The following AFAP1 variants were observed in gnomAD, a reference collection of about 807,000 sequenced individuals.
AFAP1 encodes actin filament-associated protein 1.
In AFAP1, 75 loss-of-function variants were observed where a neutral mutation model predicts 93.9. The ratio of observed to expected loss-of-function variants is 0.80; its 90% CI spans 0.66 to 0.97. AFAP1 has a LOEUF of 0.97. Among genes scored for constraint, AFAP1 ranks in the 50% least tolerant of loss-of-function variants. AFAP1 has a pLI of 0.00. For synonymous variants in AFAP1, 517 were observed against 430.7 expected (o/e 1.20, Z -2.48); for missense variants, 1,201 against 1,050.8 (o/e 1.14, Z -1.98).
At chr4:7,844,234 G>A (rs796780761) in intron 4 of AFAP1, among the ~76,000 whole-genome samples, 4 of 152,042 alleles carry the variant, frequency 2.6e-5, no homozygotes, top group African/African-American at 9.6e-5. Flanking sequence ...AGTTAAATGA[G>A]GTCCTAAGGG....
chr4:7,799,151 G>A (rs1254459890), intron 10 of AFAP1: 6 of 934,914 alleles, frequency 6.4e-6, no homozygotes, highest in Non-Finnish European at 5.1e-6. Context: ...GCCGTGGTCA[G>A]GGTCTGCACA....
At chr4:7,798,319 ACGG>A (rs1467613030) in intron 10 of AFAP1, among the ~76,000 whole-genome samples, 2 of 134,888 alleles carry the variant, frequency 1.5e-5, no homozygotes, top group African/African-American at 2.7e-5. Flanking sequence ...TGGCTGGCTC[ACGG>A]CATTGCAACT....
At chr4:7,871,734 A>G (rs1024522316) in intron 2 of AFAP1, among the ~76,000 whole-genome samples, 1 of 152,198 alleles carries the variant, frequency 6.6e-6, no homozygotes, top group East Asian at 1.9e-4. Context: ...GACTCCCAAA[A>G]CACGATTCCA....
chr4:7,934,838 C>A (rs1179385841), intron 1 of AFAP1, among the ~76,000 whole-genome samples: 3 of 152,188 alleles, frequency 2.0e-5, no homozygotes, highest in Non-Finnish European at 4.4e-5. Flanking sequence ...CAAGAAATTA[C>A]GCTTCGCTAA....
chr4:7,760,657 T>A lies in AFAP1; in HGVS notation c.*3108A>T, dbSNP rs1713649143. On this transcript the variant is annotated 3_prime_UTR_variant, in exon 18 of 18. Transcript: ENST00000420658. The stretch of plus-strand genomic sequence containing the variant: ...TCTGATAGTTGTTTCTATGAAAAAG[T>A]TGGTCAGTGGCTTAACATTATAAAA... 6.6e-6 allele frequency: 1 copy of A among 152,236 alleles called. No individual in the cohort carries two copies. Among genetic ancestry groups the A allele is most frequent in the African/African-American group, 2.4e-5 (1 of 41,472 alleles). The allele number at this position is 152,236 out of a possible 1,614,324, so 9.4% of individuals were successfully genotyped here.
At chr4:7,906,875 G>A (rs6855982) in intron 1 of AFAP1, among the ~76,000 whole-genome samples, 133,859 of 152,172 alleles carry the variant, frequency 0.88, 59,127 homozygotes, top group African/African-American at 0.96. Flanking sequence ...GCTGGCGGGC[G>A]CCTGTAATCC....
intron 6 of AFAP1, among the ~76,000 whole-genome samples, chr4:7,822,751 A>AT (rs5855983): frequency 0.48 from 67,228 of 141,326 alleles, 16,421 homozygotes; most frequent in East Asian, 0.82. Flanking sequence ...CGCCCGGCTA[A>AT]TTTTTTTTTT....
At chr4:7,842,299 T>TAAAA (rs1713111360) in intron 5 of AFAP1, among the ~76,000 whole-genome samples, 1 of 48,364 alleles carries the variant, frequency 2.1e-5, no homozygotes, top group African/African-American at 1.0e-4. Context: ...AACCTGGATT[T>TAAAA]ACAAAAAAAA....
At position 7,864,189 on chromosome 4, in the gene AFAP1, C is replaced by T. The variant is rs147793226; in HGVS notation, c.225+4433G>A. 3.1e-4 allele frequency among the ~76,000 whole-genome samples: 47 copies of T among 150,412 alleles called. 1 individual carries two copies. The highest frequency in any genetic ancestry group is 4.8e-4 in the Non-Finnish European group (32 of 66,966). On this transcript the variant is annotated intron_variant, in intron 3 of 17. Transcript: ENST00000420658. ...CCCACAGGTCCTTTGTAATTTAACC[C>T]CTGCAGACAATTCTGGCCTCATGTG...
At position 7,761,175 on chromosome 4, in the gene AFAP1, A is replaced by G. The variant is rs1471216268; in HGVS notation, c.*2590T>C. 1 of 152,278 alleles carries G rather than the reference A, an allele frequency of 6.6e-6. No homozygotes were observed. Among genetic ancestry groups the G allele is most frequent in the Non-Finnish European group, 1.5e-5 (1 of 68,054 alleles). The allele number at this position is 152,278 out of a possible 1,614,324, so 9.4% of individuals were successfully genotyped here. A position where few individuals can be genotyped will look rare whatever the true frequency, so the allele number is the denominator to read the frequency against. On this transcript the variant is annotated 3_prime_UTR_variant, in exon 18 of 18. Coordinates refer to ENST00000420658, the MANE Select transcript of AFAP1 (RefSeq NM_001134647.2). ...TAAAAACTATATTTATTGAACATAT[A>G]CACATAAATAACTTATTCTGAAGTA...
chr4:7,923,362 G>A (rs574503161), intron 1 of AFAP1, among the ~76,000 whole-genome samples: 1 of 152,326 alleles, frequency 6.6e-6, no homozygotes, highest in East Asian at 1.9e-4. Flanking sequence ...CTGGAGGCTG[G>A]AAGTCCAAGA....
chr4:7,774,849 A>G lies in AFAP1; in HGVS notation c.1952T>C (p.Leu651Pro). The G allele has an allele frequency of 6.2e-7, 1 of 1,614,188 alleles. No individual in the cohort carries two copies. The highest frequency in any genetic ancestry group is 8.5e-7 in the Non-Finnish European group (1 of 1,180,040). Residue 651 changes from leucine (L) to proline (P), a missense_variant, in exon 15 of 18, where the codon CTA becomes CCA. Coordinates refer to ENST00000420658, the MANE Select transcript of AFAP1 (RefSeq NM_001134647.2). Reference sequence around the variant, plus strand: ...CAGCAGCTCCTCCTCTTTGGTCTGTAGCCGCTTGGCATCTGCTTCTACCCG... The same window carrying G: ...CAGCAGCTCCTCCTCTTTGGTCTGTGGCCGCTTGGCATCTGCTTCTACCCG... Reference protein sequence around the residue: ...KNRVEADAKRLQTKEEELLKR... With the variant: ...KNRVEADAKRPQTKEEELLKR...
chr4:7,851,382 T>C (rs4388087), intron 4 of AFAP1, among the ~76,000 whole-genome samples: 119,709 of 152,172 alleles, frequency 0.79, 47,430 homozygotes, highest in East Asian at 0.94. Flanking sequence ...GCGCTGCCTC[T>C]TCCCTCAACA....
chr4:7,775,958 T>G (rs1375759927), intron 14 of AFAP1: 1 of 152,204 alleles, frequency 6.6e-6, no homozygotes, highest in East Asian at 1.9e-4. Flanking sequence ...GAAAACAGCT[T>G]TCAAAACCTG....
chr4:7,825,181 G>A (rs1372436518), intron 6 of AFAP1, among the ~76,000 whole-genome samples: 2 of 152,156 alleles, frequency 1.3e-5, no homozygotes, highest in East Asian at 3.9e-4. Flanking sequence ...CCACTTGATA[G>A]ATAAACGGGA....
At position 7,815,999 on chromosome 4, in the gene AFAP1, T is replaced by C; in HGVS notation, c.904+19A>G. On this transcript the variant is annotated intron_variant, in intron 8 of 17. Coordinates refer to ENST00000420658, the MANE Select transcript of AFAP1 (RefSeq NM_001134647.2). ...TTTTTTTTTAGTGTATATATGTTTTTGGCACAAGCAGAACTCACCTTGCTC... is the reference window on the plus strand; with the variant it reads ...TTTTTTTTTAGTGTATATATGTTTTCGGCACAAGCAGAACTCACCTTGCTC... 1 of 1,595,414 alleles carries C rather than the reference T, an allele frequency of 6.3e-7. No homozygotes were observed. The highest frequency in any genetic ancestry group is 8.5e-7 in the Non-Finnish European group (1 of 1,172,530).
intron 1 of AFAP1, among the ~76,000 whole-genome samples, chr4:7,919,007 C>CCA (rs59380639): frequency 1.3e-4 from 5 of 37,528 alleles, no homozygotes; most frequent in African/African-American, 4.8e-4. Flanking sequence ...AACAGGGCTG[C>CCA]GGATGAGACA....
At chr4:7,844,221 T>C (rs1226743719) in intron 4 of AFAP1, among the ~76,000 whole-genome samples, 2 of 152,040 alleles carry the variant, frequency 1.3e-5, no homozygotes, top group Non-Finnish European at 2.9e-5. Context: ...AGGAGGTTAC[T>C]AAAGTTAAAT....
chr4:7,936,675 A>G (rs1721404370), intron 1 of AFAP1, among the ~76,000 whole-genome samples: 1 of 148,978 alleles, frequency 6.7e-6, no homozygotes, highest in Admixed American at 6.9e-5. Flanking sequence ...TCTGCCTCCC[A>G]GGTTCAAGTA....
Sources: allele counts gnomAD v4.1 joint callset (sites outside exome capture counted in the v4.1 genomes callset), GRCh38; gene constraint gnomAD v4.1.1; transcripts MANE v1.5; gene names NCBI Gene and HGNC (gene_info 2026-07-23, HGNC 2026-07-21).